Variants in ARID4A observed in about 807,000 individuals in gnomAD.
The protein encoded by ARID4A is AT-rich interaction domain 4A, also known as AT-rich interactive domain-containing protein 4A.
ARID4A carries 39 observed loss-of-function variants against 148.6 expected under a neutral mutation model. The ratio of observed to expected loss-of-function variants is 0.26; its 90% CI spans 0.20 to 0.34. ARID4A has a LOEUF of 0.34. ARID4A is among the 10% of genes least tolerant of loss of function. ARID4A has a pLI of 1.00. For missense variants in ARID4A, 1,265 were observed against 1,449.1 expected (o/e 0.87, Z 2.06); for synonymous variants, 475 against 481.2 (o/e 0.99, Z 0.17).
rs1459269689 is a variant in ARID4A at position 58,372,222 on chromosome 14, TCTTTA to T, written c.*238_*242del. 3 of 420,492 alleles carry T rather than the reference TCTTTA, an allele frequency of 7.1e-6. No individual in the cohort carries two copies. Among genetic ancestry groups the T allele is most frequent in the Non-Finnish European group, 1.3e-5 (3 of 234,044 alleles). 26.0% of individuals were successfully genotyped at this position (420,492 alleles called of 1,614,324 possible). On this transcript the variant is annotated 3_prime_UTR_variant, in exon 24 of 24. Transcript: ENST00000355431. ...CTGCCATATTTGTCATAATTTTTCC[TCTTTA>T]CTTTTGTTTTTCGTTTGTTGTGATA...
At chr14:58,350,937 G>A (rs531487073) in intron 15 of ARID4A, 136 bp from the exon 16 acceptor site, 1 of 700,456 alleles carries the variant, frequency 1.4e-6, no homozygotes, top group Non-Finnish European at 2.2e-6. Flanking sequence ...GAAGAGAAAG[G>A]TACCTTTGAG....
Position 58,365,031 on chromosome 14 carries a change from A to T in ARID4A, c.2942A>T (p.Glu981Val). 6.2e-7 allele frequency: 1 copy of T among 1,614,168 alleles called. No individual in the cohort carries two copies. Among genetic ancestry groups the T allele is most frequent in the Non-Finnish European group, 8.5e-7 (1 of 1,180,016 alleles). The change falls in exon 20 of 24, where the codon GAA (glutamate) becomes GTA (valine). Residue 981 changes from glutamate to valine, a missense_variant. Physicochemically the swap from Glu to Val is moderately radical, Grantham distance 121 (BLOSUM62 -2). Coordinates refer to ENST00000355431, the MANE Select transcript of ARID4A (RefSeq NM_002892.4). ...DKTSIEDVAV[E>V]SSESNSLVSI... ...ACCAGCATTGAGGATGTAGCAGTTG[A>T]AAGCTCTGAGTCTAACTCTCTTGTT...
At chr14:58,360,574 G>T (rs906319545) in intron 18 of ARID4A, among the ~76,000 whole-genome samples, 25 of 152,170 alleles carry the variant, frequency 1.6e-4, no homozygotes, top group African/African-American at 6.0e-4. Flanking sequence ...CGGAATAGTT[G>T]TATAGTCTTC....
At chr14:58,306,514 A>G (rs757653525) in intron 5 of ARID4A, among the ~76,000 whole-genome samples, 2 of 152,216 alleles carry the variant, frequency 1.3e-5, no homozygotes, top group African/African-American at 2.4e-5. Context: ...AATCCTGACC[A>G]TGGTAGATTC....
chr14:58,326,660 G>A (rs1016318021), intron 8 of ARID4A, among the ~76,000 whole-genome samples: 2 of 152,160 alleles, frequency 1.3e-5, no homozygotes, highest in Non-Finnish European at 2.9e-5. Flanking sequence ...GTTTAGGAAC[G>A]TGAATGAAGA....
intron 5 of ARID4A, among the ~76,000 whole-genome samples, chr14:58,309,778 T>C (rs763689221): frequency 4.6e-5 from 7 of 152,254 alleles, no homozygotes; most frequent in Non-Finnish European, 8.8e-5. Context: ...TATTAATGTT[T>C]TTGTAACAAG....
chr14:58,340,243 G>C (rs1293948579), intron 11 of ARID4A, among the ~76,000 whole-genome samples: 1 of 151,478 alleles, frequency 6.6e-6, no homozygotes, highest in Non-Finnish European at 1.5e-5. Flanking sequence ...CTTCTTTTTT[G>C]GGACAGAGTC....
intron 11 of ARID4A, among the ~76,000 whole-genome samples, chr14:58,336,422 A>G (rs536215622): frequency 3.3e-5 from 5 of 152,304 alleles, no homozygotes; most frequent in South Asian, 2.1e-4. Flanking sequence ...ATTTTGACCT[A>G]TGGCTCACCT....
chr14:58,371,491 T>G (rs1455364246), intron 23 of ARID4A, among the ~76,000 whole-genome samples: 1 of 152,182 alleles, frequency 6.6e-6, no homozygotes, highest in Non-Finnish European at 1.5e-5. Context: ...GAGGAAATCC[T>G]CTGAGTTAAA....
intron 5 of ARID4A, among the ~76,000 whole-genome samples, chr14:58,312,555 C>T (rs920846565): frequency 6.6e-6 from 1 of 152,082 alleles, no homozygotes; most frequent in African/African-American, 2.4e-5. Flanking sequence ...CTGGCCTTAC[C>T]TAGGGCATCC....
chr14:58,353,880 T>A, intron 17 of ARID4A, 25 bp downstream of exon 17: 1 of 1,589,726 alleles, frequency 6.3e-7, no homozygotes, highest in Non-Finnish European at 8.6e-7. Context: ...ATTTTCTTAC[T>A]ATTGAAATTT....
intron 11 of ARID4A, among the ~76,000 whole-genome samples, 199 bp downstream of exon 11, chr14:58,330,368 T>A (rs1279059442): frequency 2.6e-5 from 4 of 152,166 alleles, no homozygotes; most frequent in Non-Finnish European, 5.9e-5. Context: ...AGTAAGAGAT[T>A]ACAAGAAAAT....
chr14:58,367,153 G>A (rs2035392821), intron 23 of ARID4A, 124 bp downstream of exon 23: 1 of 761,418 alleles, frequency 1.3e-6, no homozygotes, highest in Non-Finnish European at 1.9e-6. Context: ...TAAATTCCTA[G>A]TGTTTTCTAT....
chr14:58,347,000 A>G lies in ARID4A; in HGVS notation c.1075-20A>G. The stretch of plus-strand genomic sequence containing the variant: ...ATTAATTCCCTTTGCAAATGTTAAC[A>G]TAAAAACTTAATTTTCCAGATTGAT... On this transcript the variant is annotated intron_variant, in intron 13 of 23. Coordinates refer to ENST00000355431, the MANE Select transcript of ARID4A (RefSeq NM_002892.4). 1 of 1,125,286 alleles carries G rather than the reference A, an allele frequency of 8.9e-7. No individual in the cohort carries two copies. The highest frequency in any genetic ancestry group is 1.2e-6 in the Non-Finnish European group (1 of 807,218). 69.7% of individuals were successfully genotyped at this position (1,125,286 alleles called of 1,614,324 possible).
chr14:58,299,834 C>G lies in ARID4A; in HGVS notation c.-21C>G, dbSNP rs780686001. ...GCGAAGATAGCTCGCTGAGCTGGAA[C>G]CCCACAGATCACCAACAAAAATGAA... On this transcript the variant is annotated 5_prime_UTR_variant, in exon 2 of 24. Coordinates refer to ENST00000355431, the MANE Select transcript of ARID4A (RefSeq NM_002892.4). 6 of 1,614,098 alleles carry G rather than the reference C, an allele frequency of 3.7e-6. No individual in the cohort carries two copies. The African/African-American group carries it at 8.0e-5, about 22-fold the overall frequency.
At chr14:58,340,081 A>T (rs866554285) in intron 11 of ARID4A, among the ~76,000 whole-genome samples, 1 of 152,178 alleles carries the variant, frequency 6.6e-6, no homozygotes, top group Non-Finnish European at 1.5e-5. Flanking sequence ...CCATCCCACT[A>T]AAATGGTAGG....
At chr14:58,366,421 G>C (rs1450379816) in intron 22 of ARID4A, among the ~76,000 whole-genome samples, 191 bp downstream of exon 22, 1 of 152,140 alleles carries the variant, frequency 6.6e-6, no homozygotes, top group Admixed American at 6.5e-5. Context: ...AAACTGACTT[G>C]ATAAATATTG....
intron 17 of ARID4A, among the ~76,000 whole-genome samples, chr14:58,358,880 A>G (rs1468149292): frequency 6.6e-6 from 1 of 152,202 alleles, no homozygotes; most frequent in Non-Finnish European, 1.5e-5. Context: ...TTGCTTTCCA[A>G]GACTCTCCCT....
chr14:58,307,866 T>G (rs1337185725), intron 5 of ARID4A, among the ~76,000 whole-genome samples: 1 of 152,196 alleles, frequency 6.6e-6, no homozygotes, highest in Non-Finnish European at 1.5e-5. Flanking sequence ...AGAGATTAAG[T>G]AAATACATCT....
Sources: allele counts gnomAD v4.1 joint callset (sites outside exome capture counted in the v4.1 genomes callset), GRCh38; gene constraint gnomAD v4.1.1; transcripts MANE v1.5; gene names NCBI Gene and HGNC (gene_info 2026-07-23, HGNC 2026-07-21).